CDCP1: variants seen among roughly 807,000 people sequenced by gnomAD.
The protein encoded by CDCP1 is CUB domain containing protein 1, also known as CUB domain-containing protein 1.
Under a neutral mutation model 60.2 loss-of-function variants are expected in CDCP1, and 29 were observed. The observed-to-expected ratio is 0.48, with a 90% CI of 0.36 to 0.66. The LOEUF (loss-of-function observed/expected upper bound fraction) is 0.66. CDCP1 is among the 30% of genes least tolerant of loss of function. The pLI is 0.00. For synonymous variants in CDCP1, 387 were observed against 431.1 expected, an observed-to-expected ratio of 0.90 and a Z score of 1.27; for missense variants, 876 against 1,074.3, an observed-to-expected ratio of 0.82 and a Z score of 2.58.
chr3:45,107,986 C>T (rs900406332), intron 4 of CDCP1, among the ~76,000 whole-genome samples: 4 of 151,938 alleles, frequency 2.6e-5, no homozygotes, highest in Non-Finnish European at 4.4e-5. Context: ...GGTGTGGTGG[C>T]AGGCGCCTGT....
intron 1 of CDCP1, among the ~76,000 whole-genome samples, chr3:45,143,320 T>C (rs1265592487): frequency 1.3e-5 from 2 of 152,242 alleles, no homozygotes; most frequent in Non-Finnish European, 2.9e-5. Flanking sequence ...ATGAGGATAA[T>C]GGTTCATCCT....
chr3:45,136,723 T>C (rs1699196994), intron 1 of CDCP1, among the ~76,000 whole-genome samples: 1 of 152,246 alleles, frequency 6.6e-6, no homozygotes, highest in African/African-American at 2.4e-5. Flanking sequence ...TAGGCTTTTT[T>C]GAAGACGGGG....
chr3:45,091,061 TG>T lies in CDCP1; in HGVS notation c.1993+111del. ...ATTGATGCAATAGCTGACTGATACA[TG>T]GACAGTCAGGACTCAATCTGTGATT... On this transcript the variant is annotated intron_variant, in intron 7 of 8. Transcript: ENST00000296129. The surrounding 1 kb of genome is among the most constrained non-coding windows in gnomAD (Gnocchi z 4.8). The T allele has an allele frequency of 1.7e-6, 2 of 1,185,528 alleles. No homozygotes were observed. Among genetic ancestry groups the T allele is most frequent in the Non-Finnish European group, 1.2e-6 (1 of 841,146 alleles). 73.4% of individuals were successfully genotyped at this position (1,185,528 alleles called of 1,614,324 possible). A position where few individuals can be genotyped will look rare whatever the true frequency, so the allele number is the denominator to read the frequency against.
intron 3 of CDCP1, among the ~76,000 whole-genome samples, chr3:45,111,634 C>T (rs1417265865): frequency 6.6e-6 from 1 of 152,210 alleles, no homozygotes; most frequent in Non-Finnish European, 1.5e-5. Flanking sequence ...AAGACAGTGC[C>T]ACTGCACTCC....
chr3:45,146,038 C>T lies in CDCP1; in HGVS notation c.82+168G>A, dbSNP rs80259547. 7.6e-3 allele frequency among the ~76,000 whole-genome samples: 1,150 copies of T among 152,074 alleles called. 10 individuals are homozygous for T. Among genetic ancestry groups the T allele is most frequent in the African/African-American group, 0.026 (1,087 of 41,518 alleles). The stretch of plus-strand genomic sequence containing the variant: ...GCGGCGCGCGCAGGAACCGAACAGT[C>T]CGGGGGTCCCGGAGCCACCCGCGCA... On this transcript the variant is annotated intron_variant, in intron 1 of 8. Coordinates refer to ENST00000296129, the MANE Select transcript of CDCP1 (RefSeq NM_022842.5).
At chr3:45,142,299 C>T (rs919362992) in intron 1 of CDCP1, among the ~76,000 whole-genome samples, 5 of 152,130 alleles carry the variant, frequency 3.3e-5, no homozygotes, top group Non-Finnish European at 7.3e-5. Context: ...CCTATCCCAT[C>T]CAAACCCAGG....
intron 4 of CDCP1, among the ~76,000 whole-genome samples, chr3:45,096,018 CAA>C (rs956813707): frequency 3.9e-5 from 6 of 152,130 alleles, no homozygotes; most frequent in Non-Finnish European, 5.9e-5. Context: ...CAAGTTAAAA[CAA>C]AGTGTTACTG....
At chr3:45,111,821 T>C (rs1698698082) in intron 3 of CDCP1, among the ~76,000 whole-genome samples, 1 of 152,224 alleles carries the variant, frequency 6.6e-6, no homozygotes, top group South Asian at 2.1e-4. Context: ...GGTGGGTCTG[T>C]AGAACCAATC....
rs773825282 is a variant in CDCP1 at position 45,085,682 on chromosome 3, T to G, written c.2467A>C (p.Ile823Leu). The G allele has an allele frequency of 1.2e-6, 2 of 1,614,222 alleles. No homozygotes were observed. The highest frequency in any genetic ancestry group is 4.5e-5 in the East Asian group (2 of 44,882). Reference protein sequence around the residue: ...NGDVSSKDTDIPLLNTQEPME... With the variant: ...NGDVSSKDTDLPLLNTQEPME... Reference sequence around the variant, plus strand: ...GGCTCCTGAGTGTTCAGTAAGGGAATGTCTGTGTCCTTGCTGCTTACATCC... The same window carrying G: ...GGCTCCTGAGTGTTCAGTAAGGGAAGGTCTGTGTCCTTGCTGCTTACATCC... Residue 823 changes from isoleucine to leucine, a missense_variant, in exon 9 of 9, where the codon ATT becomes CTT. Ile to Leu is a conservative substitution (Grantham distance 5). Coordinates refer to ENST00000296129, the MANE Select transcript of CDCP1 (RefSeq NM_022842.5). The surrounding 1 kb of genome is among the most constrained non-coding windows in gnomAD (Gnocchi z 4.2).
chr3:45,083,993 G>C lies in CDCP1; in HGVS notation c.*1645C>G, dbSNP rs993443656. 1 of 152,096 alleles carries C rather than the reference G, an allele frequency of 6.6e-6. No individual in the cohort carries two copies. The allele number at this position is 152,096 out of a possible 1,614,324, so 9.4% of individuals were successfully genotyped here. On this transcript the variant is annotated 3_prime_UTR_variant, in exon 9 of 9. Coordinates refer to ENST00000296129, the MANE Select transcript of CDCP1 (RefSeq NM_022842.5). ...CATTGGTCTCATGGTCTACTCACCTGATTAGAGATTAATCCCAGTCTTTCT... is the reference window on the plus strand; with the variant it reads ...CATTGGTCTCATGGTCTACTCACCTCATTAGAGATTAATCCCAGTCTTTCT...
intron 1 of CDCP1, among the ~76,000 whole-genome samples, chr3:45,129,428 A>G (rs1463571588): frequency 6.6e-6 from 1 of 152,266 alleles, no homozygotes; most frequent in East Asian, 1.9e-4. Context: ...CGGGAATTGC[A>G]GAATTAAATA....
chr3:45,146,265 A>G lies in CDCP1; in HGVS notation c.23T>C (p.Val8Ala), dbSNP rs112158839. MAGLNCGVSIALLGVLLL... is the reference protein window; with the variant it reads MAGLNCGASIALLGVLLL... ...CAGAACCCCTAGCAGTGCGATAGAG[A>G]CCCCGCAGTTCAGGCCGGCCATGAC... Residue 8 changes from valine (V) to alanine (A), a missense_variant, in exon 1 of 9, where the codon GTC becomes GCC. Val to Ala is a moderately conservative substitution (Grantham distance 64). Transcript: ENST00000296129. 53 of 1,586,768 alleles carry G rather than the reference A, an allele frequency of 3.3e-5. 1 individual carries two copies. In the African/African-American group the frequency reaches 6.5e-4, roughly 19 times the overall value.
At position 45,084,697 on chromosome 3, in the gene CDCP1, G is replaced by A. The variant is rs1333313107; in HGVS notation, c.*941C>T. 9 of 152,636 alleles carry A rather than the reference G, an allele frequency of 5.9e-5. No homozygotes were observed. The highest frequency in any genetic ancestry group is 1.2e-4 in the African/African-American group (5 of 41,452). 9.5% of individuals were successfully genotyped at this position (152,636 alleles called of 1,614,324 possible). On this transcript the variant is annotated 3_prime_UTR_variant, in exon 9 of 9. Transcript: ENST00000296129. ...CTGATCCCCAGGACTATAAGCTAAT[G>A]TGTTGTTTTTAAGCTACCAAGTAAT...
At chr3:45,136,385 AGAAG>A (rs1332935394) in intron 1 of CDCP1, among the ~76,000 whole-genome samples, 5 of 152,218 alleles carry the variant, frequency 3.3e-5, no homozygotes, top group Non-Finnish European at 5.9e-5. Flanking sequence ...TTGCTAAGGA[AGAAG>A]GAGGAGGATG....
intron 7 of CDCP1, among the ~76,000 whole-genome samples, 153 bp from the exon 8 acceptor site, chr3:45,089,294 A>G (rs1698251829): frequency 6.6e-6 from 1 of 152,196 alleles, no homozygotes; most frequent in African/African-American, 2.4e-5. Context: ...CTCATATCAC[A>G]AAGTGTTTAT....
intron 4 of CDCP1, among the ~76,000 whole-genome samples, chr3:45,098,978 GC>G (rs1352328515): frequency 6.6e-6 from 1 of 152,010 alleles, no homozygotes; most frequent in Non-Finnish European, 1.5e-5. Flanking sequence ...TCTCTCCAGA[GC>G]CTTTTCAATG....
intron 8 of CDCP1, among the ~76,000 whole-genome samples, chr3:45,087,067 C>T (rs1046492072): frequency 5.3e-5 from 8 of 152,132 alleles, no homozygotes; most frequent in African/African-American, 1.2e-4. Flanking sequence ...TAATGTTTGT[C>T]CCCACTAAAG....
chr3:45,126,149 T>TCTTTCTTC, intron 1 of CDCP1, among the ~76,000 whole-genome samples: 4 of 143,606 alleles, frequency 2.8e-5, no homozygotes, highest in African/African-American at 1.1e-4. Context: ...TTTCTTTCTT[T>TCTTTCTTC]CTTTCTTTCT....
chr3:45,133,225 A>T (rs1310636978), intron 1 of CDCP1, among the ~76,000 whole-genome samples: 1 of 152,004 alleles, frequency 6.6e-6, no homozygotes, highest in Non-Finnish European at 1.5e-5. Context: ...TGCTACAACC[A>T]ACATGCTCAG....
Sources: allele counts gnomAD v4.1 joint callset (sites outside exome capture counted in the v4.1 genomes callset), GRCh38; gene constraint gnomAD v4.1.1; non-coding constraint Gnocchi (gnomAD v3.1); transcripts MANE v1.5; gene names NCBI Gene and HGNC (gene_info 2026-07-23, HGNC 2026-07-21).